Variants in TTC23 observed in about 807,000 individuals in gnomAD.
The protein encoded by TTC23 is tetratricopeptide repeat protein 23.
In TTC23, 58 loss-of-function variants were observed where a neutral mutation model predicts 55.1. The observed-to-expected ratio is 1.05, with a 90% CI of 0.85 to 1.31. The LOEUF is 1.31. TTC23 is among the 50% of genes most tolerant of loss of function. The pLI is 0.00. For synonymous variants in TTC23, 203 were observed against 199.9 expected (o/e 1.02, Z -0.13); for missense variants, 516 against 534.4 (o/e 0.97, Z 0.34).
At chr15:99,194,884 G>T (rs1345915789) in intron 9 of TTC23, among the ~76,000 whole-genome samples, 3 of 152,222 alleles carry the variant, frequency 2.0e-5, no homozygotes, top group African/African-American at 4.8e-5. Context: ...GGTGAGACGA[G>T]ATTGTACCAT....
intron 4 of TTC23, among the ~76,000 whole-genome samples, chr15:99,229,114 C>T (rs970061034): frequency 1.4e-5 from 2 of 143,512 alleles, no homozygotes; most frequent in Non-Finnish European, 1.5e-5. Context: ...AGAAATTAGC[C>T]TAGCACATAC....
chr15:99,206,260 C>T (rs890090434), intron 8 of TTC23, among the ~76,000 whole-genome samples: 2 of 151,984 alleles, frequency 1.3e-5, no homozygotes, highest in Non-Finnish European at 2.9e-5. Context: ...GAGATATTGG[C>T]CCATAGTTTT....
At chr15:99,176,325 G>C (rs1235221369) in intron 9 of TTC23, among the ~76,000 whole-genome samples, 1 of 152,132 alleles carries the variant, frequency 6.6e-6, no homozygotes, top group Non-Finnish European at 1.5e-5. Flanking sequence ...AAAATGCCAT[G>C]AGTAGGCCAG....
At chr15:99,200,128 T>C in intron 8 of TTC23, 32 bp from the exon 9 acceptor site, 1 of 1,509,952 alleles carries the variant, frequency 6.6e-7, no homozygotes, top group Non-Finnish European at 8.9e-7. Flanking sequence ...TTTTATTTAA[T>C]AATTAAAATA....
chr15:99,165,763 T>C (rs1276408300), intron 10 of TTC23, among the ~76,000 whole-genome samples: 1 of 152,218 alleles, frequency 6.6e-6, no homozygotes, highest in Non-Finnish European at 1.5e-5. Flanking sequence ...GCAGATTTAA[T>C]GTGCAAACTG....
chr15:99,167,824 T>C (rs2072337618), intron 10 of TTC23, among the ~76,000 whole-genome samples: 1 of 152,200 alleles, frequency 6.6e-6, no homozygotes, highest in Admixed American at 6.5e-5. Flanking sequence ...CTCTACAATG[T>C]GACGATTGTC....
chr15:99,172,776 G>A (rs575115442), intron 10 of TTC23, among the ~76,000 whole-genome samples: 31 of 152,230 alleles, frequency 2.0e-4, no homozygotes, highest in Admixed American at 9.8e-4. Context: ...ATAACTGTGT[G>A]AGGTCATTTA....
In TTC23 at chr15:99,228,749, A is replaced by G; in HGVS notation, c.-20-17T>C. 6.7e-7 allele frequency: 1 copy of G among 1,496,228 alleles called. No individual in the cohort carries two copies. The highest frequency in any genetic ancestry group is 1.3e-5 in the South Asian group (1 of 75,502). 92.7% of individuals were successfully genotyped at this position (1,496,228 alleles called of 1,614,324 possible). A position where few individuals can be genotyped will look rare whatever the true frequency, so the allele number is the denominator to read the frequency against. ...CATTGTCTTCTAATTTTAAAATAAA[A>G]AACAAAGATGTTAAATGATAATTTC... On this transcript the variant is annotated splice_polypyrimidine_tract_variant and intron_variant, in intron 4 of 13. Coordinates refer to ENST00000394132, the MANE Select transcript of TTC23 (RefSeq NM_001288615.3).
intron 12 of TTC23, among the ~76,000 whole-genome samples, chr15:99,150,431 G>A (rs1002835872): frequency 6.6e-6 from 1 of 152,214 alleles, no homozygotes. Flanking sequence ...AGGGCCATAT[G>A]GTAAATATTG....
chr15:99,218,983 G>A lies in TTC23; in HGVS notation c.370C>T (p.Pro124Ser). The change falls in exon 7 of 14, where the codon CCT (proline) becomes TCT (serine). Residue 124 changes from proline to serine, a missense_variant. Pro to Ser is a moderately conservative substitution (Grantham distance 74, BLOSUM62 -1). Transcript: ENST00000394132. ...ARQILANSIV[P>S]PYSENTDVFK... is the part of the protein sequence containing the mutation. ...ACATCTGTATTCTCACTATAGGGAG[G>A]CACAATGGAGTTGGCGAGGATTTGT... 6.2e-7 allele frequency: 1 copy of A among 1,614,174 alleles called. No individual in the cohort carries two copies. The highest frequency in any genetic ancestry group is 8.5e-7 in the Non-Finnish European group (1 of 1,180,020).
At chr15:99,247,913 TTATAA>T in intron 1 of TTC23, among the ~76,000 whole-genome samples, 1 of 152,280 alleles carries the variant, frequency 6.6e-6, no homozygotes, top group Non-Finnish European at 1.5e-5. Flanking sequence ...CAAATGAACT[TTATAA>T]TATATAAATT....
intron 9 of TTC23, among the ~76,000 whole-genome samples, chr15:99,197,491 G>A (rs2075842071): frequency 6.6e-6 from 1 of 152,134 alleles, no homozygotes; most frequent in South Asian, 2.1e-4. Flanking sequence ...AAAAGGAAAG[G>A]AAAGAGAAAA....
At position 99,137,738 on chromosome 15, in the gene TTC23, G is replaced by T; in HGVS notation, c.*272C>A. 1 of 449,026 alleles carries T rather than the reference G, an allele frequency of 2.2e-6. No homozygotes were observed. The highest frequency in any genetic ancestry group is 4.0e-6 in the Non-Finnish European group (1 of 247,854). The allele number at this position is 449,026 out of a possible 1,614,324, so 27.8% of individuals were successfully genotyped here. A position where few individuals can be genotyped will look rare whatever the true frequency, so the allele number is the denominator to read the frequency against. ...GTTGAAGAGAAGTTTTTCAGCCACA[G>T]TAGTGCTGATGGGTAAAAATTCTTG... On this transcript the variant is annotated 3_prime_UTR_variant, in exon 14 of 14. Transcript: ENST00000394132.
chr15:99,209,386 T>C (rs544700106), intron 8 of TTC23, among the ~76,000 whole-genome samples: 6 of 152,214 alleles, frequency 3.9e-5, no homozygotes, highest in Non-Finnish European at 8.8e-5. Context: ...TATCTTTTTA[T>C]CACCTGATAC....
chr15:99,194,092 G>C (rs765346172), intron 9 of TTC23, among the ~76,000 whole-genome samples: 55 of 152,056 alleles, frequency 3.6e-4, no homozygotes, highest in Non-Finnish European at 6.3e-4. Context: ...GTTGAGGATA[G>C]ATCTGGATTT....
intron 12 of TTC23, among the ~76,000 whole-genome samples, chr15:99,149,100 TAGG>T (rs782244367): frequency 2.5e-4 from 38 of 152,202 alleles, no homozygotes; most frequent in Non-Finnish European, 5.3e-4. Context: ...TGCTTAGCTC[TAGG>T]AACTGCTGGC....
intron 10 of TTC23, among the ~76,000 whole-genome samples, chr15:99,171,709 C>G (rs936018817): frequency 5.3e-5 from 8 of 151,412 alleles, no homozygotes; most frequent in Admixed American, 5.3e-4. Context: ...ACTACAGGTG[C>G]GCAACACAAC....
chr15:99,170,411 C>A (rs2072755206), intron 10 of TTC23, among the ~76,000 whole-genome samples: 1 of 152,162 alleles, frequency 6.6e-6, no homozygotes, highest in Non-Finnish European at 1.5e-5. Flanking sequence ...CTTCAAAAAT[C>A]AAAACCAAAA....
At chr15:99,240,621 G>A (rs1597037089) in intron 3 of TTC23, among the ~76,000 whole-genome samples, 1 of 152,134 alleles carries the variant, frequency 6.6e-6, no homozygotes, top group Non-Finnish European at 1.5e-5. Flanking sequence ...ATTGGCTACC[G>A]GACATGAAGG....
Sources: allele counts gnomAD v4.1 joint callset (sites outside exome capture counted in the v4.1 genomes callset), GRCh38; gene constraint gnomAD v4.1.1; transcripts MANE v1.5; gene names NCBI Gene and HGNC (gene_info 2026-07-23, HGNC 2026-07-21).